PLEKHG4B: variants seen among roughly 807,000 people sequenced by gnomAD.
PLEKHG4B encodes the protein pleckstrin homology domain-containing family G member 4B.
PLEKHG4B carries 111 observed loss-of-function variants against 121.3 expected under a neutral mutation model. The observed-to-expected ratio is 0.92, with a 90% CI of 0.78 to 1.07. The LOEUF is 1.07. PLEKHG4B is among the 50% of genes least tolerant of loss of function. The pLI, the probability that PLEKHG4B is intolerant of heterozygous loss-of-function variation, is 0.00. For synonymous variants in PLEKHG4B, 738 were observed against 725.0 expected (o/e 1.02, Z -0.29); for missense variants, 1,831 against 1,757.8 (o/e 1.04, Z -0.74).
intron 1 of PLEKHG4B, among the ~76,000 whole-genome samples, chr5:109,399 A>G (rs1734070844): frequency 7.0e-6 from 1 of 142,722 alleles, no homozygotes; most frequent in Admixed American, 6.9e-5. Flanking sequence ...TCTGTCTCCA[A>G]AAAAAAAAAA....
In PLEKHG4B at chr5:113,054, G is replaced by T. The variant is rs1734203523; in HGVS notation, c.46-197G>T. On this transcript the variant is annotated intron_variant, in intron 1 of 19. Transcript: ENST00000637938. This position sits in a 1 kb window ranked among gnomAD's most constrained non-coding sequence, Gnocchi z 5.2. ...GCACCTGCCCCTCTGCTGTGTGACA[G>T]CACAAGGAGAACCACCAGGAGCTCG... 6.6e-6 allele frequency among the ~76,000 whole-genome samples: 1 copy of T among 152,154 alleles called. No homozygotes were observed. The highest frequency in any genetic ancestry group is 2.4e-5 in the African/African-American group (1 of 41,440).
At position 156,479 on chromosome 5, in the gene PLEKHG4B, G is replaced by A. The variant is rs1364897974; in HGVS notation, c.2348+269G>A. ...TCATTCTTGACCAGTGCTGCCTGGG[G>A]AGCTGTGCCCACCCCCAGCAGTCCC... On this transcript the variant is annotated intron_variant, in intron 10 of 19. Transcript: ENST00000637938. This position sits in a 1 kb window ranked among gnomAD's most constrained non-coding sequence, Gnocchi z 4.4. Among the ~76,000 whole-genome samples the A allele has an allele frequency of 6.6e-6, 1 of 151,770 alleles. No individual in the cohort carries two copies. The highest frequency in any genetic ancestry group is 1.5e-5 in the Non-Finnish European group (1 of 67,980).
At chr5:94,066 C>T (rs1248681331) in intron 1 of PLEKHG4B, among the ~76,000 whole-genome samples, 1 of 152,224 alleles carries the variant, frequency 6.6e-6, no homozygotes, top group Non-Finnish European at 1.5e-5. Flanking sequence ...TGGGGCTACT[C>T]ATTCTATAGA....
chr5:94,270 G>A (rs1383169850), intron 1 of PLEKHG4B, among the ~76,000 whole-genome samples: 1 of 152,214 alleles, frequency 6.6e-6, no homozygotes, highest in African/African-American at 2.4e-5. Flanking sequence ...CACCTGGGTC[G>A]CCCCACACCT....
At position 95,264 on chromosome 5, in the gene PLEKHG4B, G is replaced by A. The variant is rs531268683; in HGVS notation, c.45+2988G>A. ...GTGGGTTCTGCACTGGAGTCGTTAC[G>A]TCAGCCAGGTAACAAGAATATGCCT... On this transcript the variant is annotated intron_variant, in intron 1 of 19. Coordinates refer to ENST00000637938, the MANE Select transcript of PLEKHG4B (RefSeq NM_052909.5). 1.6e-4 allele frequency among the ~76,000 whole-genome samples: 24 copies of A among 152,270 alleles called. No homozygotes were observed. The East Asian group carries it at 4.2e-3, about 27-fold the overall frequency.
Position 143,510 on chromosome 5 carries a change from C to T in PLEKHG4B, c.1811+7C>T, listed in dbSNP as rs370586146. 262 of 1,612,566 alleles carry T rather than the reference C, an allele frequency of 1.6e-4. 1 individual carries two copies. Among genetic ancestry groups the T allele is most frequent in the South Asian group, 5.4e-4 (49 of 91,072 alleles). On this transcript the variant is annotated splice_region_variant and intron_variant, in intron 5 of 19. Transcript: ENST00000637938. ...ACTTCCATAGCATCCCCAGGTGGGACGGGGGGCAAGGCCGCACCCTGCAGA... is the reference window on the plus strand; with the variant it reads ...ACTTCCATAGCATCCCCAGGTGGGATGGGGGGCAAGGCCGCACCCTGCAGA...
intron 6 of PLEKHG4B, among the ~76,000 whole-genome samples, chr5:146,143 G>A (rs1049300784): frequency 7.3e-6 from 1 of 137,716 alleles, no homozygotes; most frequent in African/African-American, 2.8e-5. Context: ...CCAACCTGTG[G>A]TCCTCCCTCC....
rs934408428 is a variant in PLEKHG4B, at chr5:185,421, A to G, written c.*3098A>G. 1 of 152,252 alleles carries G rather than the reference A, an allele frequency of 6.6e-6. No individual in the cohort carries two copies. The highest frequency in any genetic ancestry group is 1.5e-5 in the Non-Finnish European group (1 of 68,056). The allele number at this position is 152,252 out of a possible 1,614,324, so 9.4% of individuals were successfully genotyped here. ...ATTTTTTTAAAGTACAATCATGCAC[A>G]CAGCACTTCCCCTGGGAGGCAGGGG... On this transcript the variant is annotated 3_prime_UTR_variant, in exon 20 of 20. Transcript: ENST00000637938.
At chr5:96,982 G>T (rs1733647029) in intron 1 of PLEKHG4B, among the ~76,000 whole-genome samples, 1 of 152,254 alleles carries the variant, frequency 6.6e-6, no homozygotes, top group African/African-American at 2.4e-5. Context: ...TTCAGTGGCG[G>T]TCAGTACATT....
At chr5:104,836 G>C (rs1482582852) in intron 1 of PLEKHG4B, among the ~76,000 whole-genome samples, 4 of 152,246 alleles carry the variant, frequency 2.6e-5, no homozygotes, top group African/African-American at 9.6e-5. Flanking sequence ...AATCATATCT[G>C]TGGTTTTTCA....
intron 1 of PLEKHG4B, among the ~76,000 whole-genome samples, chr5:96,019 A>G (rs912677272): frequency 2.0e-5 from 3 of 152,246 alleles, no homozygotes; most frequent in Non-Finnish European, 4.4e-5. Flanking sequence ...TCACTGGGAC[A>G]TCGGGGGATT....
chr5:168,700 T>C (rs759377754), intron 13 of PLEKHG4B, among the ~76,000 whole-genome samples: 2 of 152,102 alleles, frequency 1.3e-5, no homozygotes, highest in Non-Finnish European at 2.9e-5. Context: ...CCATGATCAA[T>C]AATGTGGAAA....
At chr5:133,957 AAT>A (rs1207570324) in intron 2 of PLEKHG4B, among the ~76,000 whole-genome samples, 6 of 136,750 alleles carry the variant, frequency 4.4e-5, no homozygotes, top group African/African-American at 1.2e-4. Flanking sequence ...TATATGGTGG[AAT>A]ATATATATAT....
chr5:120,265 T>C (rs545307566), intron 2 of PLEKHG4B, among the ~76,000 whole-genome samples: 14 of 152,272 alleles, frequency 9.2e-5, no homozygotes, highest in South Asian at 2.1e-4. Context: ...AGCTAAATTA[T>C]AGTCATACAG....
chr5:98,960 G>C (rs1733714229), intron 1 of PLEKHG4B, among the ~76,000 whole-genome samples: 1 of 137,380 alleles, frequency 7.3e-6, no homozygotes, highest in African/African-American at 2.7e-5. Flanking sequence ...TTTGAGACCA[G>C]CCTGGCCAAC....
intron 2 of PLEKHG4B, among the ~76,000 whole-genome samples, chr5:124,265 C>T (rs894349880): frequency 6.6e-6 from 1 of 151,950 alleles, no homozygotes; most frequent in Non-Finnish European, 1.5e-5. Context: ...AACATATGTT[C>T]TACCCTGGAA....
intron 6 of PLEKHG4B, 134 bp from the exon 7 acceptor site, chr5:151,379 C>A: frequency 2.0e-6 from 1 of 505,708 alleles, no homozygotes; most frequent in South Asian, 4.3e-5. Context: ...AGGGCAAAGT[C>A]AGCCATGTTT....
chr5:134,369 C>T (rs1436308327), intron 2 of PLEKHG4B, among the ~76,000 whole-genome samples: 1 of 151,696 alleles, frequency 6.6e-6, no homozygotes, highest in Admixed American at 6.6e-5. Flanking sequence ...ACATTGGGTG[C>T]ACCCTCCACT....
intron 7 of PLEKHG4B, among the ~76,000 whole-genome samples, chr5:153,255 C>G (rs1735661822): frequency 6.6e-6 from 1 of 152,134 alleles, no homozygotes; most frequent in African/African-American, 2.4e-5. Flanking sequence ...TCTAATAATT[C>G]CAACATCTGG....
Sources: allele counts gnomAD v4.1 joint callset (sites outside exome capture counted in the v4.1 genomes callset), GRCh38; gene constraint gnomAD v4.1.1; non-coding constraint Gnocchi (gnomAD v3.1); transcripts MANE v1.5; gene names NCBI Gene and HGNC (gene_info 2026-07-23, HGNC 2026-07-21).